Variants in GRID2 observed in about 807,000 individuals in gnomAD.
The protein encoded by GRID2 is glutamate ionotropic receptor delta type subunit 2.
GRID2 carries 33 observed loss-of-function variants against 114.8 expected under a neutral mutation model. The ratio of observed to expected loss-of-function variants is 0.29; its 90% CI spans 0.22 to 0.38. GRID2 has a LOEUF of 0.38. Among genes scored for constraint, GRID2 ranks in the 10% least tolerant of loss-of-function variants. The pLI is 1.00. For missense variants in GRID2, 1,184 were observed against 1,257.7 expected (o/e 0.94, Z 0.89); for synonymous variants, 505 against 449.9 (o/e 1.12, Z -1.55).
intron 2 of GRID2, among the ~76,000 whole-genome samples, chr4:92,952,655 G>A (rs1446133548): frequency 6.6e-6 from 1 of 152,168 alleles, no homozygotes; most frequent in African/African-American, 2.4e-5. Context: ...TAACTGAATT[G>A]CCTAACTCAA....
At chr4:92,912,749 T>C (rs940642343) in intron 2 of GRID2, among the ~76,000 whole-genome samples, 1 of 151,888 alleles carries the variant, frequency 6.6e-6, no homozygotes, top group Non-Finnish European at 1.5e-5. Flanking sequence ...ACAAACTCTT[T>C]AAGAATTGTG....
chr4:93,559,104 TTATGACCAACCCATAAAACCA>T (rs1277138383), intron 13 of GRID2, among the ~76,000 whole-genome samples: 4 of 152,088 alleles, frequency 2.6e-5, no homozygotes. Flanking sequence ...TAAGAACTAT[TTATGACCAACCCATAAAACCA>T]TATGACCAAC....
intron 2 of GRID2, among the ~76,000 whole-genome samples, chr4:92,873,248 T>C (rs987749042): frequency 1.3e-5 from 2 of 152,172 alleles, no homozygotes; most frequent in African/African-American, 2.4e-5. Context: ...TATTATGTAG[T>C]ATAGTTTTCA....
intron 1 of GRID2, among the ~76,000 whole-genome samples, chr4:92,505,988 G>A (rs1723947741): frequency 1.3e-5 from 2 of 151,930 alleles, no homozygotes; most frequent in African/African-American, 4.8e-5. Flanking sequence ...ATGAAAGTAG[G>A]TATAGATTAA....
chr4:92,651,437 A>G (rs1731928524), intron 2 of GRID2, among the ~76,000 whole-genome samples: 1 of 152,024 alleles, frequency 6.6e-6, no homozygotes, highest in Non-Finnish European at 1.5e-5. Flanking sequence ...TCATAAACCT[A>G]TTGGATGACG....
At chr4:92,674,333 T>G (rs892220255) in intron 2 of GRID2, among the ~76,000 whole-genome samples, 1 of 152,130 alleles carries the variant, frequency 6.6e-6, no homozygotes, top group African/African-American at 2.4e-5. Context: ...TTTTTTTCCT[T>G]TCTATACTTC....
intron 2 of GRID2, among the ~76,000 whole-genome samples, chr4:92,812,072 G>A (rs112211558): frequency 5.5e-4 from 83 of 152,170 alleles, no homozygotes; most frequent in Non-Finnish European, 8.5e-4. Flanking sequence ...AAAAGGCTTC[G>A]CCTTAGAAAA....
At position 93,648,405 on chromosome 4, in the gene GRID2, G is replaced by C. The variant is rs190881864; in HGVS notation, c.2360+21970G>C. 3.3e-4 allele frequency among the ~76,000 whole-genome samples: 51 copies of C among 152,244 alleles called. 1 individual carries two copies. The highest frequency in any genetic ancestry group is 3.4e-3 in the Middle Eastern group (1 of 294). ...GATATTAAAGGAAAAAGAGGAAGAG[G>C]CTTTAGTAAAGAAATGACTAGAAAC... On this transcript the variant is annotated intron_variant, in intron 14 of 15. Coordinates refer to ENST00000282020, the MANE Select transcript of GRID2 (RefSeq NM_001510.4).
At chr4:93,228,504 G>A (rs891463832) in intron 7 of GRID2, among the ~76,000 whole-genome samples, 1 of 152,160 alleles carries the variant, frequency 6.6e-6, no homozygotes, top group African/African-American at 2.4e-5. Context: ...TAGTAATGCT[G>A]TGTCTTCTTT....
chr4:92,417,538 G>T (rs142722896), intron 1 of GRID2, among the ~76,000 whole-genome samples: 3 of 152,056 alleles, frequency 2.0e-5, no homozygotes, highest in East Asian at 3.9e-4. Context: ...TAACAAAAAG[G>T]TAAAGGCACA....
In GRID2 at chr4:92,519,150, T is replaced by C. The variant is rs184399134; in HGVS notation, c.89-70981T>C. Among the ~76,000 whole-genome samples the C allele has an allele frequency of 2.0e-5, 3 of 151,990 alleles. No homozygotes were observed. The East Asian group carries it at 5.8e-4, about 30-fold the overall frequency. ...TTTATTTAGCTTGGTTTAGTTATAA[T>C]TTTAATTATTTATTCAAATAATACT... On this transcript the variant is annotated intron_variant, in intron 1 of 15. Transcript: ENST00000282020.
At chr4:92,917,811 T>G (rs1748936834) in intron 2 of GRID2, among the ~76,000 whole-genome samples, 1 of 152,158 alleles carries the variant, frequency 6.6e-6, no homozygotes, top group Non-Finnish European at 1.5e-5. Context: ...TCTTTTGGCT[T>G]AGGATTGACA....
intron 13 of GRID2, among the ~76,000 whole-genome samples, chr4:93,575,241 A>G (rs985920198): frequency 6.6e-6 from 1 of 152,198 alleles, no homozygotes; most frequent in African/African-American, 2.4e-5. Flanking sequence ...GTAACAGTCT[A>G]CACACAAATG....
At chr4:92,596,369 A>G (rs963192130) in intron 2 of GRID2, among the ~76,000 whole-genome samples, 1 of 152,030 alleles carries the variant, frequency 6.6e-6, no homozygotes, top group African/African-American at 2.4e-5. Context: ...GACCATCTAC[A>G]TGTGTGAATT....
intron 1 of GRID2, among the ~76,000 whole-genome samples, chr4:92,410,318 C>T (rs1391449900): frequency 6.6e-6 from 1 of 152,182 alleles, no homozygotes; most frequent in African/African-American, 2.4e-5. Context: ...TAAGGCAGTA[C>T]ATTTAACTAT....
chr4:93,407,425 T>A (rs1032099622), intron 9 of GRID2, among the ~76,000 whole-genome samples: 2 of 152,162 alleles, frequency 1.3e-5, no homozygotes, highest in African/African-American at 4.8e-5. Context: ...TATACTTTTT[T>A]ATAATATGTT....
At chr4:93,313,811 G>C (rs557237594) in intron 8 of GRID2, among the ~76,000 whole-genome samples, 1 of 152,238 alleles carries the variant, frequency 6.6e-6, no homozygotes, top group East Asian at 1.9e-4. Context: ...TTAAGTTCTT[G>C]CAGTTTTCAT....
intron 1 of GRID2, among the ~76,000 whole-genome samples, chr4:92,428,854 C>T (rs1732293878): frequency 6.6e-6 from 1 of 152,052 alleles, no homozygotes; most frequent in Non-Finnish European, 1.5e-5. Context: ...TATTTATATA[C>T]ATGTTCCACA....
At chr4:93,675,640 G>A (rs1159098726) in intron 14 of GRID2, among the ~76,000 whole-genome samples, 6 of 152,148 alleles carry the variant, frequency 3.9e-5, no homozygotes, top group African/African-American at 1.4e-4. Flanking sequence ...GGCAAGATTG[G>A]CAGTGGATCC....
Sources: gnomAD v4.1 joint callset for allele counts (sites outside exome capture counted in the v4.1 genomes callset) on GRCh38, gnomAD v4.1.1 for gene constraint, MANE v1.5 for transcripts, NCBI Gene and HGNC (gene_info 2026-07-23, HGNC 2026-07-21) for gene names.